The following SEM1 variants were observed in gnomAD, a reference collection of about 807,000 sequenced individuals.
SEM1 encodes the protein 26S proteasome complex subunit SEM1.
A neutral mutation model predicts 12.7 loss-of-function variants in SEM1; 3 were observed. The observed-to-expected ratio is 0.24, with a 90% CI of 0.11 to 0.61. The LOEUF (loss-of-function observed/expected upper bound fraction) is 0.61. Among genes scored for constraint, SEM1 ranks in the 20% least tolerant of loss-of-function variants. SEM1 has a pLI of 0.88. For missense variants in SEM1, 59 were observed against 81.3 expected, an observed-to-expected ratio of 0.73 and a Z score of 1.06; for synonymous variants, 30 against 27.8, an observed-to-expected ratio of 1.08 and a Z score of -0.25.
chr7:96,630,712 C>T (rs1808226594), intron 2 of SEM1, among the ~76,000 whole-genome samples: 1 of 152,194 alleles, frequency 6.6e-6, no homozygotes, highest in African/African-American at 2.4e-5. Context: ...CATCTTGCCA[C>T]CTAGCCACCA....
intron 2 of SEM1, among the ~76,000 whole-genome samples, chr7:96,580,342 G>C (rs1378898680): frequency 6.7e-6 from 1 of 148,376 alleles, no homozygotes; most frequent in Non-Finnish European, 1.5e-5. Context: ...GTGTATATGT[G>C]CCACATTTTC....
chr7:96,660,465 T>C (rs1788961580), intron 2 of SEM1, among the ~76,000 whole-genome samples: 1 of 152,124 alleles, frequency 6.6e-6, no homozygotes, highest in South Asian at 2.1e-4. Flanking sequence ...AAAATAAAAA[T>C]GTATATAAGT....
chr7:96,516,646 G>C (rs767074129), intron 2 of SEM1, among the ~76,000 whole-genome samples: 3 of 152,070 alleles, frequency 2.0e-5, no homozygotes, highest in South Asian at 2.1e-4. Context: ...AATATAAAAT[G>C]GTACAGCCAC....
At chr7:96,652,791 C>T (rs975907257) in intron 2 of SEM1, among the ~76,000 whole-genome samples, 1 of 152,124 alleles carries the variant, frequency 6.6e-6, no homozygotes, top group Non-Finnish European at 1.5e-5. Flanking sequence ...ACACTCATAT[C>T]GTTAATCACT....
chr7:96,496,851 C>T (rs1466069071), upstream of SEM1, among the ~76,000 whole-genome samples: 1 of 151,948 alleles, frequency 6.6e-6, no homozygotes, highest in Non-Finnish European at 1.5e-5. Flanking sequence ...TCCTCAATTT[C>T]CCTTCATGGG....
chr7:96,621,850 T>G (rs1031520936), downstream of SEM1: 2 of 152,220 alleles, frequency 1.3e-5, no homozygotes, highest in Non-Finnish European at 2.9e-5. Flanking sequence ...GACAGCTAAA[T>G]GTATTGCTGA....
chr7:96,518,776 TC>T (rs1156244123), intron 2 of SEM1, among the ~76,000 whole-genome samples: 1 of 152,032 alleles, frequency 6.6e-6, no homozygotes, highest in Non-Finnish European at 1.5e-5. Context: ...TTTTATATCA[TC>T]CCCCCACTCC....
chr7:96,602,393 A>C (rs1229873886), intron 2 of SEM1, among the ~76,000 whole-genome samples: 1 of 152,116 alleles, frequency 6.6e-6, no homozygotes, highest in Non-Finnish European at 1.5e-5. Context: ...TGAATAATTG[A>C]TTTGTATTCT....
chr7:96,508,969 C>A, intron 2 of SEM1, among the ~76,000 whole-genome samples: 1 of 149,126 alleles, frequency 6.7e-6, no homozygotes, highest in Non-Finnish European at 1.5e-5. Flanking sequence ...AATTAAATGA[C>A]AATTTTTACT....
chr7:96,526,700 G>C (rs566700016), intron 2 of SEM1, among the ~76,000 whole-genome samples: 1 of 152,228 alleles, frequency 6.6e-6, no homozygotes, highest in Non-Finnish European at 1.5e-5. Flanking sequence ...ACAGTGATGA[G>C]AAGCTGCACA....
intron 2 of SEM1, among the ~76,000 whole-genome samples, chr7:96,668,117 A>G (rs1789217067): frequency 6.6e-6 from 1 of 152,196 alleles, no homozygotes; most frequent in African/African-American, 2.4e-5. Context: ...AGTGATAGGC[A>G]TTGAGAAAAG....
At chr7:96,592,390 C>G (rs1030004238) in intron 2 of SEM1, among the ~76,000 whole-genome samples, 3 of 152,046 alleles carry the variant, frequency 2.0e-5, no homozygotes, top group African/African-American at 7.2e-5. Context: ...AGGTGAGTCA[C>G]TTGTATGTAC....
At chr7:96,568,815 G>A (rs1805931086) in intron 2 of SEM1, among the ~76,000 whole-genome samples, 1 of 151,754 alleles carries the variant, frequency 6.6e-6, no homozygotes, top group Non-Finnish European at 1.5e-5. Flanking sequence ...GTTTTGAAGT[G>A]CATTACGATT....
intron 2 of SEM1, among the ~76,000 whole-genome samples, chr7:96,681,871 C>CT (rs1789623431): frequency 6.6e-6 from 1 of 152,000 alleles, no homozygotes; most frequent in African/African-American, 2.4e-5. Flanking sequence ...TATGCAGGCT[C>CT]TTTTTTGGTT....
At chr7:96,502,637 G>A (rs1012202485) in intron 3 of SEM1, among the ~76,000 whole-genome samples, 7 of 152,140 alleles carry the variant, frequency 4.6e-5, no homozygotes, top group African/African-American at 1.7e-4. Flanking sequence ...TATTATTTGG[G>A]TTATGTCAAA....
upstream of SEM1, among the ~76,000 whole-genome samples, chr7:96,498,622 T>C (rs1338049186): frequency 1.3e-5 from 2 of 152,212 alleles, no homozygotes; most frequent in Non-Finnish European, 2.9e-5. Flanking sequence ...ATTCTGCAAC[T>C]GATACTTCAA....
At chr7:96,690,993 G>C (rs1317336427) in intron 2 of SEM1, among the ~76,000 whole-genome samples, 1 of 152,054 alleles carries the variant, frequency 6.6e-6, no homozygotes, top group East Asian at 1.9e-4. Flanking sequence ...GGATGGTCTC[G>C]ATCTCCTGAC....
At chr7:96,559,058 C>G (rs1011637172) in intron 2 of SEM1, among the ~76,000 whole-genome samples, 25 of 152,138 alleles carry the variant, frequency 1.6e-4, no homozygotes, top group African/African-American at 6.0e-4. Context: ...GAGCTAGCTA[C>G]TATGCTTTAG....
chr7:96,674,491 T>TA (rs1022974958), intron 2 of SEM1, among the ~76,000 whole-genome samples: 2 of 151,588 alleles, frequency 1.3e-5, no homozygotes, highest in South Asian at 4.2e-4. Flanking sequence ...ACTCTTTCTC[T>TA]AAAAAAACAA....
Sources: gnomAD v4.1 joint callset for allele counts (sites outside exome capture counted in the v4.1 genomes callset) on GRCh38, gnomAD v4.1.1 for gene constraint, MANE v1.5 for transcripts, NCBI Gene and HGNC (gene_info 2026-07-23, HGNC 2026-07-21) for gene names.